Variants in AFP observed in about 807,000 individuals in gnomAD.
AFP encodes the protein alpha fetoprotein.
A neutral mutation model predicts 78.9 loss-of-function variants in AFP; 64 were observed. The observed-to-expected ratio is 0.81, with a 90% CI of 0.66 to 1.00. AFP has a LOEUF of 1.00. Ranked by LOEUF, AFP falls within the 50% of genes least tolerant of loss-of-function variation. The probability of loss-of-function intolerance (pLI) is 0.00; values close to 1 mark genes in which losing one functional copy is unlikely to be tolerated. For synonymous variants in AFP, 254 were observed against 243.8 expected (o/e 1.04, Z -0.39); for missense variants, 689 against 703.8 (o/e 0.98, Z 0.24).
intron 13 of AFP, 111 bp from the exon 14 acceptor site, chr4:73,455,125 A>G: frequency 1.2e-6 from 1 of 863,406 alleles, no homozygotes; most frequent in Non-Finnish European, 1.9e-6. Context: ...TTCATTTTTA[A>G]CTTAGTTAAT....
chr4:73,452,432 G>T lies in AFP; in HGVS notation c.1460G>T (p.Arg487Ile), dbSNP rs1200555674. ...ATTATTATCGGACACTTATGTATCAGACATGAAATGACTCCAGTAAACCCT... is the reference window on the plus strand; with the variant it reads ...ATTATTATCGGACACTTATGTATCATACATGAAATGACTCCAGTAAACCCT... The part of the protein sequence containing the change: ...ADIIIGHLCI[R>I]HEMTPVNPGV... Residue 487 changes from arginine (R) to isoleucine (I), a missense_variant, in exon 12 of 15, where the codon AGA becomes ATA. Transcript: ENST00000395792. 9.3e-6 allele frequency: 15 copies of T among 1,613,884 alleles called. No homozygotes were observed. Among genetic ancestry groups the T allele is most frequent in the Non-Finnish European group, 1.1e-5 (13 of 1,179,942 alleles).
chr4:73,454,778 T>A (rs1032225361), intron 13 of AFP, among the ~76,000 whole-genome samples: 23 of 152,118 alleles, frequency 1.5e-4, no homozygotes, highest in African/African-American at 5.3e-4. Context: ...GTGTTTTTGG[T>A]GGGATCAGGT....
At chr4:73,439,689 G>T (rs1719607085) in intron 3 of AFP, among the ~76,000 whole-genome samples, 1 of 152,144 alleles carries the variant, frequency 6.6e-6, no homozygotes. Flanking sequence ...GCTTTCTGTG[G>T]AATATTGATG....
rs1214118966 is a variant in AFP, at chr4:73,455,632, G to A, written c.*12G>A. 2 of 693,756 alleles carry A rather than the reference G, an allele frequency of 2.9e-6. No individual in the cohort carries two copies. Among genetic ancestry groups the A allele is most frequent in the South Asian group, 3.1e-5 (2 of 64,394 alleles). The allele number at this position is 693,756 out of a possible 1,614,324, so 43.0% of individuals were successfully genotyped here. Reference sequence around the variant, plus strand: ...AATATATTTTTGCTCATATTGCAGGGGAAGAGAAGACAAAACGAGTCTTTC... The same window carrying A: ...AATATATTTTTGCTCATATTGCAGGAGAAGAGAAGACAAAACGAGTCTTTC... On this transcript the variant is annotated splice_region_variant and 3_prime_UTR_variant, in exon 15 of 15. Coordinates refer to ENST00000395792, the MANE Select transcript of AFP (RefSeq NM_001134.3).
intron 7 of AFP, 99 bp from the exon 8 acceptor site, chr4:73,447,363 C>G: frequency 2.6e-6 from 2 of 759,320 alleles, no homozygotes; most frequent in Non-Finnish European, 4.0e-6. Flanking sequence ...TTGTTCCCTT[C>G]TCCCTCCCTC....
At chr4:73,438,777 G>C (rs1577951331) in intron 3 of AFP, among the ~76,000 whole-genome samples, 1 of 152,128 alleles carries the variant, frequency 6.6e-6, no homozygotes, top group African/African-American at 2.4e-5. Context: ...GAATCAGAAT[G>C]GTTGTCCAGT....
chr4:73,436,777 C>T (rs968423206), intron 1 of AFP, among the ~76,000 whole-genome samples: 4 of 151,700 alleles, frequency 2.6e-5, no homozygotes, highest in African/African-American at 7.3e-5. Flanking sequence ...ATTTGATGGT[C>T]TGAAGAAGAA....
chr4:73,450,221 G>A, intron 10 of AFP, 88 bp downstream of exon 10: 1 of 1,125,164 alleles, frequency 8.9e-7, no homozygotes, highest in Non-Finnish European at 1.3e-6. Flanking sequence ...GAAGCAACAA[G>A]AATGACCTGT....
rs1220465973 is a variant in AFP at position 73,449,971 on chromosome 4, TTTTATA to T, written c.1192-63_1192-58del. 4 of 1,058,934 alleles carry T rather than the reference TTTTATA, an allele frequency of 3.8e-6. No individual in the cohort carries two copies. The East Asian group carries it at 1.0e-4, about 27-fold the overall frequency. The allele number at this position is 1,058,934 out of a possible 1,614,324, so 65.6% of individuals were successfully genotyped here. A position where few individuals can be genotyped will look rare whatever the true frequency, so the allele number is the denominator to read the frequency against. On this transcript the variant is annotated intron_variant, in intron 9 of 14. Transcript: ENST00000395792. ...TATAATAGTATATAATATTGATCAA[TTTTATA>T]TACAAAGTTATGCATCCAAGAAAAG...
chr4:73,441,043 G>A (rs957148620), intron 4 of AFP, among the ~76,000 whole-genome samples: 3 of 151,938 alleles, frequency 2.0e-5, no homozygotes, highest in Admixed American at 6.6e-5. Context: ...CCTACCAGAG[G>A]TTCCATTAGT....
At chr4:73,452,701 T>A (rs1481462989) in intron 12 of AFP, 77 bp downstream of exon 12, 1 of 1,163,614 alleles carries the variant, frequency 8.6e-7, no homozygotes, top group Non-Finnish European at 1.3e-6. Context: ...CTCGCTCACC[T>A]AACACTATTG....
intron 11 of AFP, among the ~76,000 whole-genome samples, chr4:73,452,096 G>A (rs569115067): frequency 2.0e-5 from 3 of 152,258 alleles, no homozygotes; most frequent in African/African-American, 7.2e-5. Context: ...AGACATTTTT[G>A]TCCTTTAGAA....
rs1343373992 is a variant in AFP at position 73,452,524 on chromosome 4, G to A, written c.1552G>A (p.Asp518Asn). Residue 518 changes from aspartate (D) to asparagine (N), a missense_variant, in exon 12 of 15, where the codon GAT becomes AAT. By Grantham distance (23) the Asp-to-Asn change is conservative (BLOSUM62 1). Coordinates refer to ENST00000395792, the MANE Select transcript of AFP (RefSeq NM_001134.3). ...RRPCFSSLVV[D>N]ETYVPPAFSD... ...GCCATGCTTCAGCAGCTTGGTGGTG[G>A]ATGAAACATATGTCCCTCCTGCATT... 1 of 1,614,094 alleles carries A rather than the reference G, an allele frequency of 6.2e-7. No individual in the cohort carries two copies.
In AFP at chr4:73,450,134, G is replaced by T; in HGVS notation, c.1289+1G>T. On this transcript the variant is annotated splice_donor_variant, in intron 10 of 14. Transcript: ENST00000395792. LOFTEE classifies it high-confidence loss of function. ...TAGGAGAATATTACTTACAAAATGC[G>T]TATGTTTTTGTAAACAGTATTTTTA... 1 of 1,596,882 alleles carries T rather than the reference G, an allele frequency of 6.3e-7. No individual in the cohort carries two copies. The highest frequency in any genetic ancestry group is 8.6e-7 in the Non-Finnish European group (1 of 1,165,216).
intron 11 of AFP, 67 bp downstream of exon 11, chr4:73,450,820 T>A: frequency 1.2e-6 from 2 of 1,610,004 alleles, no homozygotes; most frequent in South Asian, 2.2e-5. Flanking sequence ...GCCTCATAAT[T>A]CCCCTCTAGG....
At chr4:73,448,269 C>A (rs1365126192) in intron 8 of AFP, among the ~76,000 whole-genome samples, 1 of 152,040 alleles carries the variant, frequency 6.6e-6, no homozygotes, top group Non-Finnish European at 1.5e-5. Flanking sequence ...ACTCTATTTG[C>A]CTTTAAGGGA....
intron 1 of AFP, among the ~76,000 whole-genome samples, chr4:73,436,949 C>T (rs188334314): frequency 4.9e-4 from 75 of 152,036 alleles, no homozygotes; most frequent in African/African-American, 1.6e-3. Flanking sequence ...AGTGATAGGT[C>T]TACTATAAAT....
At chr4:73,441,466 G>A (rs919954478) in intron 4 of AFP, among the ~76,000 whole-genome samples, 35 of 150,536 alleles carry the variant, frequency 2.3e-4, no homozygotes, top group Non-Finnish European at 5.2e-4. Flanking sequence ...TACTCGGGAG[G>A]CTGAGGCAGG....
intron 4 of AFP, among the ~76,000 whole-genome samples, chr4:73,441,554 C>T (rs534191968): frequency 9.9e-6 from 1 of 101,084 alleles, no homozygotes; most frequent in Non-Finnish European, 1.8e-5. Context: ...GGCCACAGAG[C>T]GAGACTCCGT....
Sources: gnomAD v4.1 joint callset for allele counts (sites outside exome capture counted in the v4.1 genomes callset) on GRCh38, gnomAD v4.1.1 for gene constraint, MANE v1.5 for transcripts, NCBI Gene and HGNC (gene_info 2026-07-23, HGNC 2026-07-21) for gene names.